CRACR2A: variants seen among roughly 807,000 people sequenced by gnomAD.
CRACR2A encodes the protein calcium release activated channel regulator 2A, also known as EF-hand calcium-binding domain-containing protein 4B.
A neutral mutation model predicts 90.5 loss-of-function variants in CRACR2A; 79 were observed. That is an observed-to-expected ratio of 0.87 (90% CI 0.73 to 1.05). The LOEUF is 1.05. CRACR2A is among the 50% of genes least tolerant of loss of function. CRACR2A has a pLI of 0.00. For synonymous variants in CRACR2A, 338 were observed against 356.7 expected (o/e 0.95, Z 0.59); for missense variants, 823 against 897.2 (o/e 0.92, Z 1.06).
Position 3,679,113 on chromosome 12 carries a change from G to T in CRACR2A, c.341-15C>A. On this transcript the variant is annotated splice_polypyrimidine_tract_variant and intron_variant, in intron 5 of 19. Transcript: ENST00000440314. The stretch of plus-strand genomic sequence containing the variant: ...GAAGAAGTGACCTGGGGGGTGCAGG[G>T]CACAAGGATCCGAATTAGACCATAC... 6.2e-7 allele frequency: 1 copy of T among 1,605,952 alleles called. No homozygotes were observed. The highest frequency in any genetic ancestry group is 1.1e-5 in the South Asian group (1 of 89,570).
At chr12:3,688,305 G>C (rs1945599887) in intron 4 of CRACR2A, among the ~76,000 whole-genome samples, 1 of 152,080 alleles carries the variant, frequency 6.6e-6, no homozygotes, top group South Asian at 2.1e-4. Context: ...TGTCTTCCAG[G>C]GTTTTTATAG....
chr12:3,710,708 G>A (rs535600440), intron 3 of CRACR2A, among the ~76,000 whole-genome samples: 23 of 151,636 alleles, frequency 1.5e-4, no homozygotes, highest in African/African-American at 5.1e-4. Flanking sequence ...CAGGAGAATC[G>A]CTTGAACCCA....
intron 3 of CRACR2A, among the ~76,000 whole-genome samples, chr12:3,710,352 C>T (rs550378147): frequency 2.0e-5 from 3 of 152,260 alleles, no homozygotes; most frequent in South Asian, 4.1e-4. Context: ...ATACCATAGA[C>T]TGGATGGCCT....
chr12:3,732,898 G>C (rs116961245), intron 2 of CRACR2A, 44 bp downstream of exon 2: 4 of 152,174 alleles, frequency 2.6e-5, no homozygotes, highest in African/African-American at 9.7e-5. Context: ...TCTCACAGGC[G>C]GCTGCTCCCA....
At chr12:3,704,003 G>A (rs1360326785) in intron 3 of CRACR2A, among the ~76,000 whole-genome samples, 1 of 152,188 alleles carries the variant, frequency 6.6e-6, no homozygotes, top group Non-Finnish European at 1.5e-5. Context: ...CATTCCTTTG[G>A]AAAACATTTG....
intron 13 of CRACR2A, among the ~76,000 whole-genome samples, chr12:3,638,678 AGAT>A (rs938434347): frequency 3.7e-4 from 57 of 152,282 alleles, no homozygotes; most frequent in African/African-American, 1.3e-3. Flanking sequence ...ATGATGACAA[AGAT>A]GATGATGATG....
chr12:3,661,113 C>A (rs1482715816), intron 7 of CRACR2A, among the ~76,000 whole-genome samples: 7 of 152,200 alleles, frequency 4.6e-5, no homozygotes, highest in East Asian at 1.9e-4. Flanking sequence ...CAGGACCAGA[C>A]CTTCTCTGCT....
intron 2 of CRACR2A, chr12:3,729,857 G>A (rs964644689): frequency 6.6e-6 from 1 of 152,212 alleles, no homozygotes; most frequent in Admixed American, 6.5e-5. Flanking sequence ...TTCCTTGTCT[G>A]GAAAAGTGAG....
intron 14 of CRACR2A, among the ~76,000 whole-genome samples, chr12:3,636,035 A>G (rs958113418): frequency 1.6e-4 from 25 of 152,222 alleles, no homozygotes; most frequent in Non-Finnish European, 3.5e-4. Flanking sequence ...TAGTGAATTA[A>G]TATACTATGC....
At chr12:3,620,786 A>T (rs1381434209) in intron 17 of CRACR2A, among the ~76,000 whole-genome samples, 1 of 152,202 alleles carries the variant, frequency 6.6e-6, no homozygotes, top group Non-Finnish European at 1.5e-5. Context: ...TGCAATGATG[A>T]CTCAAAGGCG....
chr12:3,706,591 C>A (rs1429544108), intron 3 of CRACR2A, among the ~76,000 whole-genome samples: 1 of 152,182 alleles, frequency 6.6e-6, no homozygotes, highest in Non-Finnish European at 1.5e-5. Flanking sequence ...TAGCAACTTA[C>A]ATGTGTCAGC....
intron 10 of CRACR2A, among the ~76,000 whole-genome samples, chr12:3,648,995 C>T (rs541384775): frequency 6.6e-6 from 1 of 152,022 alleles, no homozygotes; most frequent in African/African-American, 2.4e-5. Context: ...AAAAACCAAA[C>T]ACCACATGTT....
At chr12:3,730,460 T>C (rs773348864) in intron 2 of CRACR2A, 11 of 152,228 alleles carry the variant, frequency 7.2e-5, no homozygotes, top group Non-Finnish European at 1.2e-4. Context: ...TTTTCAGAAT[T>C]TTTAAATGTT....
intron 4 of CRACR2A, among the ~76,000 whole-genome samples, chr12:3,683,975 A>C (rs1324203568): frequency 3.3e-5 from 5 of 152,176 alleles, no homozygotes; most frequent in African/African-American, 4.8e-5. Context: ...CATCTACAGC[A>C]GCAGTACTGA....
At chr12:3,723,517 G>C (rs573276721) in intron 2 of CRACR2A, among the ~76,000 whole-genome samples, 10 of 152,028 alleles carry the variant, frequency 6.6e-5, no homozygotes, top group African/African-American at 2.4e-4. Flanking sequence ...GTTTTCACAC[G>C]TCTCTGACTC....
At chr12:3,680,422 C>T in intron 4 of CRACR2A, 73 bp from the exon 5 acceptor site, 1 of 1,319,656 alleles carries the variant, frequency 7.6e-7, no homozygotes, top group Non-Finnish European at 1.1e-6. Flanking sequence ...GACTGCAGAG[C>T]CTTCTGCCAG....
At chr12:3,726,867 A>G (rs1355248075) in intron 2 of CRACR2A, 3 of 152,170 alleles carry the variant, frequency 2.0e-5, no homozygotes, top group East Asian at 3.8e-4. Flanking sequence ...AAGAAAGAAA[A>G]AAAAAAGTGG....
intron 1 of CRACR2A, among the ~76,000 whole-genome samples, chr12:3,743,781 G>A (rs1416351772): frequency 1.3e-5 from 2 of 152,126 alleles, no homozygotes; most frequent in African/African-American, 4.8e-5. Context: ...CATTCCCAGA[G>A]TTAAGCCACA....
rs966530844 is a variant in CRACR2A at position 3,649,743 on chromosome 12, T to C, written c.1047-1130A>G. ...CACAGTGCCTGGCATGGAGGTGTAA[T>C]CAGCAAATAGTTGTAGGAAGAAAGA... On this transcript the variant is annotated intron_variant, in intron 10 of 19. Coordinates refer to ENST00000440314, the MANE Select transcript of CRACR2A (RefSeq NM_001144958.2). Among the ~76,000 whole-genome samples, 6 of 149,246 alleles carry C rather than the reference T, an allele frequency of 4.0e-5. No individual in the cohort carries two copies. The Admixed American group carries it at 4.0e-4, about 10-fold the overall frequency.
Sources: gnomAD v4.1 joint callset for allele counts (sites outside exome capture counted in the v4.1 genomes callset) on GRCh38, gnomAD v4.1.1 for gene constraint, MANE v1.5 for transcripts, NCBI Gene and HGNC (gene_info 2026-07-23, HGNC 2026-07-21) for gene names.